Variants in LOXHD1 observed in about 807,000 individuals in gnomAD.
LOXHD1 encodes lipoxygenase homology domain-containing protein 1.
Under a neutral mutation model 248.2 loss-of-function variants are expected in LOXHD1, and 205 were observed. The ratio of observed to expected loss-of-function variants is 0.83; its 90% CI spans 0.74 to 0.93. The LOEUF is 0.93. Ranked by LOEUF, LOXHD1 falls within the 40% of genes least tolerant of loss-of-function variation. The pLI is 0.00. For missense variants in LOXHD1, 2,930 were observed against 2,971.6 expected, an observed-to-expected ratio of 0.99 and a Z score of 0.33; for synonymous variants, 1,113 against 1,162.8, an observed-to-expected ratio of 0.96 and a Z score of 0.87.
At chr18:46,603,195 T>G (rs1049176902) in intron 7 of LOXHD1, among the ~76,000 whole-genome samples, 1 of 151,686 alleles carries the variant, frequency 6.6e-6, no homozygotes, top group Non-Finnish European at 1.5e-5. Flanking sequence ...AAACAGGAAT[T>G]CGAGAGGCAG....
chr18:46,555,128 G>C (rs1318209944), intron 21 of LOXHD1: 1 of 471,124 alleles, frequency 2.1e-6, no homozygotes, highest in South Asian at 1.5e-5. Flanking sequence ...TACTAACCCT[G>C]ATGGAGCTGC....
intron 19 of LOXHD1, 96 bp downstream of exon 19, chr18:46,559,987 G>A (rs530419126): frequency 3.1e-5 from 42 of 1,375,230 alleles, no homozygotes; most frequent in Middle Eastern, 4.9e-4. Flanking sequence ...TGGCCTCCAC[G>A]TGAGGGGGAT....
At chr18:46,478,131 C>T (rs1462759219) in intron 40 of LOXHD1, among the ~76,000 whole-genome samples, 179 bp from the exon 41 acceptor site, 1 of 152,206 alleles carries the variant, frequency 6.6e-6, no homozygotes, top group African/African-American at 2.4e-5. Context: ...TCAAATTCAC[C>T]ATGGACGGGC....
chr18:46,491,786 T>C (rs535817990), intron 37 of LOXHD1, among the ~76,000 whole-genome samples: 35 of 152,308 alleles, frequency 2.3e-4, no homozygotes, highest in Non-Finnish European at 4.9e-4. Flanking sequence ...TGGGATGGCT[T>C]TACCTTTATC....
chr18:46,559,926 AC>A (rs1198213510), intron 19 of LOXHD1, among the ~76,000 whole-genome samples, 156 bp downstream of exon 19: 1 of 152,196 alleles, frequency 6.6e-6, no homozygotes, highest in African/African-American at 2.4e-5. Flanking sequence ...GTGGCATTTC[AC>A]ACACAGGTCA....
chr18:46,618,439 C>T lies in LOXHD1; in HGVS notation c.512-149G>A, dbSNP rs1258605546. 4.8e-6 allele frequency: 3 copies of T among 623,244 alleles called. No homozygotes were observed. The African/African-American group carries it at 5.5e-5, about 11-fold the overall frequency. The allele number at this position is 623,244 out of a possible 1,614,324, so 38.6% of individuals were successfully genotyped here. A position where few individuals can be genotyped will look rare whatever the true frequency, so the allele number is the denominator to read the frequency against. On this transcript the variant is annotated intron_variant, in intron 4 of 40. Transcript: ENST00000642948. ...GTCAATAACAGAGCAAAAAACAAGT[C>T]AGTCCACATTGGTTCCAAATGGTCA... is the stretch of plus-strand genomic sequence containing the variant.
chr18:46,534,748 G>A (rs1232377487), intron 26 of LOXHD1, among the ~76,000 whole-genome samples: 2 of 152,170 alleles, frequency 1.3e-5, no homozygotes, highest in Admixed American at 1.3e-4. Flanking sequence ...ACTGCTCACT[G>A]TTGTAGCAAC....
intron 10 of LOXHD1, among the ~76,000 whole-genome samples, chr18:46,593,055 G>T (rs1022580465): frequency 2.6e-5 from 4 of 152,178 alleles, no homozygotes; most frequent in Non-Finnish European, 4.4e-5. Context: ...ACTGAGTGGT[G>T]TAACAGAGGT....
intron 37 of LOXHD1, among the ~76,000 whole-genome samples, chr18:46,490,533 T>C (rs563869319): frequency 6.6e-6 from 1 of 152,356 alleles, no homozygotes; most frequent in African/African-American, 2.4e-5. Flanking sequence ...TGGAGTGCAA[T>C]GGCATGATCT....
intron 1 of LOXHD1, among the ~76,000 whole-genome samples, chr18:46,655,378 C>T (rs2039166814): frequency 1.3e-5 from 2 of 152,194 alleles, no homozygotes; most frequent in South Asian, 4.1e-4. Context: ...TATGGCCACA[C>T]TGAGGCATGC....
At chr18:46,585,957 C>T (rs991601154) in intron 12 of LOXHD1, among the ~76,000 whole-genome samples, 11 of 152,098 alleles carry the variant, frequency 7.2e-5, no homozygotes, top group African/African-American at 2.4e-4. Context: ...AAAACTTGTA[C>T]ATGGATGTTT....
At chr18:46,609,035 C>T (rs1370040444) in intron 6 of LOXHD1, among the ~76,000 whole-genome samples, 2 of 152,182 alleles carry the variant, frequency 1.3e-5, no homozygotes, top group Non-Finnish European at 2.9e-5. Context: ...CCAGAAGTTC[C>T]AAGGAGGGCT....
At chr18:46,626,862 C>T (rs2038749289) in intron 4 of LOXHD1, among the ~76,000 whole-genome samples, 1 of 152,142 alleles carries the variant, frequency 6.6e-6, no homozygotes, top group Non-Finnish European at 1.5e-5. Context: ...ATAAACCTCC[C>T]TTGCAGCGTT....
At chr18:46,558,627 C>T (rs1039249373) in intron 20 of LOXHD1, among the ~76,000 whole-genome samples, 4 of 152,078 alleles carry the variant, frequency 2.6e-5, no homozygotes, top group Non-Finnish European at 4.4e-5. Context: ...TAATTTAGTT[C>T]ATTTTTAAAA....
intron 23 of LOXHD1, among the ~76,000 whole-genome samples, chr18:46,543,195 A>T (rs747140244): frequency 1.6e-4 from 24 of 152,110 alleles, no homozygotes; most frequent in Non-Finnish European, 2.4e-4. Context: ...GAGTCCCCAC[A>T]GTCCATTATA....
At chr18:46,531,694 C>G (rs1380456851) in intron 28 of LOXHD1, among the ~76,000 whole-genome samples, 2 of 152,202 alleles carry the variant, frequency 1.3e-5, no homozygotes, top group Non-Finnish European at 2.9e-5. Context: ...CCTCCCCGTC[C>G]CACCCAGGCC....
chr18:46,514,064 C>T (rs78849028), intron 34 of LOXHD1, among the ~76,000 whole-genome samples: 2,251 of 152,268 alleles, frequency 0.015, 48 homozygotes, highest in African/African-American at 0.051. Flanking sequence ...GCATCCCCTA[C>T]GAGACATATG....
rs758056149 is a variant in LOXHD1 at position 46,591,968 on chromosome 18, G to T, written c.1619C>A (p.Thr540Asn). 6.4e-7 allele frequency: 1 copy of T among 1,551,994 alleles called. No homozygotes were observed. Among genetic ancestry groups the T allele is most frequent in the South Asian group, 1.2e-5 (1 of 84,062 alleles). Residue 540 changes from threonine to asparagine, a missense_variant, in exon 12 of 41, where the codon ACT (threonine) becomes AAT (asparagine). Coordinates refer to ENST00000642948, the MANE Select transcript of LOXHD1 (RefSeq NM_001384474.1). ...EDDNEIVREM[T>N]AEGPTVRRIM... Reference sequence around the variant, plus strand: ...CCTGCGCACTGTTGGGCCTTCTGCAGTCATTTCCCTCACTATCTCATTGTC... The same window carrying T: ...CCTGCGCACTGTTGGGCCTTCTGCATTCATTTCCCTCACTATCTCATTGTC...
intron 4 of LOXHD1, among the ~76,000 whole-genome samples, chr18:46,638,016 A>G (rs993162659): frequency 1.3e-5 from 2 of 152,198 alleles, no homozygotes; most frequent in East Asian, 3.8e-4. Context: ...CAAATGTCCA[A>G]TGATAAGGGA....
Sources: allele counts gnomAD v4.1 joint callset (sites outside exome capture counted in the v4.1 genomes callset), GRCh38; gene constraint gnomAD v4.1.1; transcripts MANE v1.5; gene names NCBI Gene and HGNC (gene_info 2026-07-23, HGNC 2026-07-21).